Variants in PARD3B observed in about 807,000 individuals in gnomAD.
PARD3B encodes the protein partitioning defective 3 homolog B.
A neutral mutation model predicts 130.2 loss-of-function variants in PARD3B; 103 were observed. The ratio of observed to expected loss-of-function variants is 0.79; its 90% confidence interval spans 0.67 to 0.93. The LOEUF is 0.93. Ranked by LOEUF, PARD3B falls within the 40% of genes least tolerant of loss-of-function variation. The pLI is 0.00. For missense variants in PARD3B, 1,609 were observed against 1,499.2 expected (o/e 1.07, Z -1.21); for synonymous variants, 583 against 553.2 (o/e 1.05, Z -0.76).
chr2:205,197,537 A>G (rs746519260), intron 15 of PARD3B, among the ~76,000 whole-genome samples: 23 of 152,188 alleles, frequency 1.5e-4, no homozygotes, highest in African/African-American at 3.1e-4. Flanking sequence ...AGTATAATGT[A>G]TATGTAGCCC....
chr2:204,914,294 T>C (rs1407961145), intron 2 of PARD3B, among the ~76,000 whole-genome samples: 1 of 152,162 alleles, frequency 6.6e-6, no homozygotes, highest in African/African-American at 2.4e-5. Flanking sequence ...TCTGCAAGCC[T>C]AATCTTTCCT....
chr2:205,102,082 T>C (rs1037254080), intron 4 of PARD3B, among the ~76,000 whole-genome samples: 1 of 152,202 alleles, frequency 6.6e-6, no homozygotes, highest in African/African-American at 2.4e-5. Context: ...TTTAGATGAC[T>C]GTAGCTGCAG....
intron 18 of PARD3B, among the ~76,000 whole-genome samples, chr2:205,343,951 CTTTCT>C (rs1486285061): frequency 1.3e-5 from 2 of 152,232 alleles, no homozygotes; most frequent in African/African-American, 4.8e-5. Flanking sequence ...CAGCCATGAA[CTTTCT>C]TTTCTTTTCT....
Position 205,113,471 on chromosome 2 carries a change from C to CT in PARD3B, c.594-18dup. On this transcript the variant is annotated intron_variant, in intron 5 of 22. Transcript: ENST00000406610. ...TTTTTAGCAGACACTCATTTGTGCTCTTGTTTTTTTCTGCCCCAGTGATAT... is the reference window on the plus strand; with the variant it reads ...TTTTTAGCAGACACTCATTTGTGCTCTTTGTTTTTTTCTGCCCCAGTGATAT... 1 of 1,592,172 alleles carries CT rather than the reference C, an allele frequency of 6.3e-7. No homozygotes were observed. The highest frequency in any genetic ancestry group is 8.6e-7 in the Non-Finnish European group (1 of 1,162,516).
At chr2:205,442,887 T>A (rs2047771442) in intron 20 of PARD3B, among the ~76,000 whole-genome samples, 1 of 151,944 alleles carries the variant, frequency 6.6e-6, no homozygotes, top group Non-Finnish European at 1.5e-5. Flanking sequence ...TGTAAAAGAG[T>A]GTTACTTTTG....
chr2:205,302,420 T>TCA (rs1347597740), intron 18 of PARD3B, among the ~76,000 whole-genome samples: 1 of 152,036 alleles, frequency 6.6e-6, no homozygotes, highest in Non-Finnish European at 1.5e-5. Flanking sequence ...TCCCAAGTAC[T>TCA]CAGGAGGCTG....
chr2:205,335,138 A>G (rs961650331), intron 18 of PARD3B, among the ~76,000 whole-genome samples: 1 of 152,146 alleles, frequency 6.6e-6, no homozygotes, highest in African/African-American at 2.4e-5. Context: ...GGATTTATAT[A>G]TAAATAAGTC....
rs1006226335 is a variant in PARD3B at position 204,906,776 on chromosome 2, T to C, written c.223-58376T>C. Among the ~76,000 whole-genome samples the C allele has an allele frequency of 1.3e-5, 2 of 152,240 alleles. No homozygotes were observed. Among genetic ancestry groups the C allele is most frequent in the South Asian group, 2.1e-4 (1 of 4,832 alleles). ...CAGGTTGTGTTTTTTTCAGGCTTAATTTTATGTTAAACATTTTACATTGGA... is the reference window on the plus strand; with the variant it reads ...CAGGTTGTGTTTTTTTCAGGCTTAACTTTATGTTAAACATTTTACATTGGA... On this transcript the variant is annotated intron_variant, in intron 2 of 22. Coordinates refer to ENST00000406610, the MANE Select transcript of PARD3B (RefSeq NM_001302769.2). This position sits in a 1 kb window ranked among gnomAD's most constrained non-coding sequence, Gnocchi z 4.3.
At chr2:205,038,405 C>G (rs1698162915) in intron 3 of PARD3B, among the ~76,000 whole-genome samples, 2 of 152,094 alleles carry the variant, frequency 1.3e-5, no homozygotes, top group Admixed American at 6.6e-5. Context: ...ATCCTTAACC[C>G]TTGAGACCTA....
At chr2:205,261,809 G>T (rs923815671) in intron 16 of PARD3B, among the ~76,000 whole-genome samples, 3 of 152,096 alleles carry the variant, frequency 2.0e-5, no homozygotes, top group Non-Finnish European at 2.9e-5. Flanking sequence ...GGAAAAAGAG[G>T]CTTATCTGGC....
At chr2:205,247,978 G>C (rs545049453) in intron 16 of PARD3B, among the ~76,000 whole-genome samples, 7 of 151,954 alleles carry the variant, frequency 4.6e-5, no homozygotes, top group Admixed American at 2.0e-4. Flanking sequence ...ACCCAGGCTG[G>C]AGTGCAATGC....
chr2:205,374,008 A>T (rs1001179125), intron 18 of PARD3B, among the ~76,000 whole-genome samples: 1 of 152,164 alleles, frequency 6.6e-6, no homozygotes, highest in African/African-American at 2.4e-5. Context: ...AGTGGAGAGC[A>T]CACAATAACT....
chr2:204,990,305 C>T (rs190535068), intron 3 of PARD3B, among the ~76,000 whole-genome samples: 1 of 151,368 alleles, frequency 6.6e-6, no homozygotes, highest in East Asian at 1.9e-4. Flanking sequence ...TTTTGGAGTA[C>T]ATGTGATATT....
intron 2 of PARD3B, among the ~76,000 whole-genome samples, chr2:204,747,508 A>G (rs902414531): frequency 6.6e-6 from 1 of 152,186 alleles, no homozygotes; most frequent in Admixed American, 6.5e-5. Context: ...CATACTGCCC[A>G]AGGTAATTTA....
chr2:204,962,510 T>G (rs1354893773), intron 2 of PARD3B, among the ~76,000 whole-genome samples: 1 of 152,172 alleles, frequency 6.6e-6, no homozygotes, highest in Non-Finnish European at 1.5e-5. Flanking sequence ...GAAGGCCATT[T>G]CCATGCACTA....
intron 1 of PARD3B, among the ~76,000 whole-genome samples, chr2:204,679,969 A>G (rs1017734530): frequency 1.3e-5 from 2 of 152,088 alleles, no homozygotes; most frequent in Admixed American, 1.3e-4. Context: ...TTTTACCTAC[A>G]TATGTAGATT....
At chr2:205,336,280 C>G (rs1293316740) in intron 18 of PARD3B, among the ~76,000 whole-genome samples, 2 of 152,166 alleles carry the variant, frequency 1.3e-5, no homozygotes, top group East Asian at 1.9e-4. Flanking sequence ...CATGAGTTCC[C>G]TTTTCATCTG....
chr2:205,506,056 C>T (rs1476227611), intron 21 of PARD3B, among the ~76,000 whole-genome samples: 4 of 152,146 alleles, frequency 2.6e-5, no homozygotes, highest in South Asian at 2.1e-4. Context: ...TGGTGCTGGC[C>T]GGGCACAGTG....
chr2:204,979,536 A>G (rs13017914), intron 3 of PARD3B, among the ~76,000 whole-genome samples: 96,311 of 152,052 alleles, frequency 0.63, 31,214 homozygotes, highest in Admixed American at 0.71. Flanking sequence ...ATGGACAGCC[A>G]CTACTCACCA....
Sources: gnomAD v4.1 joint callset for allele counts (sites outside exome capture counted in the v4.1 genomes callset) on GRCh38, gnomAD v4.1.1 for gene constraint, Gnocchi (gnomAD v3.1) non-coding constraint, MANE v1.5 for transcripts, NCBI Gene and HGNC (gene_info 2026-07-23, HGNC 2026-07-21) for gene names.